The following ZNF292 variants were observed in gnomAD, a reference collection of about 807,000 sequenced individuals.
ZNF292 encodes 16 zinc-finger domain protein.
In ZNF292, 26 loss-of-function variants were observed where a neutral mutation model predicts 217.9. The observed-to-expected ratio is 0.12, with a 90% CI of 0.09 to 0.17. ZNF292 has a LOEUF of 0.17. Ranked by LOEUF, ZNF292 falls within the 10% of genes least tolerant of loss-of-function variation. The pLI is 1.00. For synonymous variants in ZNF292, 1,257 were observed against 1,124.1 expected (o/e 1.12, Z -2.37); for missense variants, 2,904 against 3,175.2 (o/e 0.91, Z 2.05).
rs377546821 is a variant in ZNF292 at position 87,216,028 on chromosome 6, T to G, written c.294T>G (p.Asn98Lys). The stretch of plus-strand genomic sequence containing the variant: ...CTTATCTTACCTCTGAATGTGAAAA[T>G]GTAGCCTTGGTTCTGGAACGCTTGG... ...ARPYLTSECE[N>K]VALVLERLAL... Residue 98 changes from asparagine to lysine, a missense_variant, in exon 2 of 8, where the codon AAT (asparagine) becomes AAG (lysine). Physicochemically the swap from Asn to Lys is moderately conservative, Grantham distance 94. Around this residue, in one of 15 missense-constraint regions of ZNF292, gnomAD observed 313 missense variants for 451.0 expected, o/e 0.69. Coordinates refer to ENST00000369577, the MANE Select transcript of ZNF292 (RefSeq NM_015021.3). The G allele has an allele frequency of 6.4e-7, 1 of 1,573,936 alleles. No individual in the cohort carries two copies. The highest frequency in any genetic ancestry group is 2.2e-5 in the East Asian group (1 of 44,566).
intron 1 of ZNF292, among the ~76,000 whole-genome samples, chr6:87,194,798 T>C (rs1771909221): frequency 6.6e-6 from 1 of 152,038 alleles, no homozygotes; most frequent in Non-Finnish European, 1.5e-5. Context: ...AAAGTTTAAA[T>C]AAAATATTAG....
intron 1 of ZNF292, chr6:87,173,959 C>A: frequency 4.0e-6 from 1 of 249,810 alleles, no homozygotes; most frequent in Non-Finnish European, 8.1e-6. Context: ...AACCTTTTAC[C>A]CTGGTTCAGG....
chr6:87,192,154 C>T (rs535946610), intron 1 of ZNF292, among the ~76,000 whole-genome samples: 3 of 152,042 alleles, frequency 2.0e-5, no homozygotes, highest in Admixed American at 6.6e-5. Flanking sequence ...AACAACAGAC[C>T]GGGGAAGAAA....
At chr6:87,157,079 A>G (rs1274400178) in intron 1 of ZNF292, among the ~76,000 whole-genome samples, 1 of 152,174 alleles carries the variant, frequency 6.6e-6, no homozygotes, top group East Asian at 1.9e-4. Context: ...ATATTGAAAT[A>G]TTTTCTTTAT....
intron 1 of ZNF292, among the ~76,000 whole-genome samples, chr6:87,197,566 C>T (rs1290071925): frequency 6.6e-6 from 1 of 150,414 alleles, no homozygotes; most frequent in Non-Finnish European, 1.5e-5. Flanking sequence ...GAAACTCCGT[C>T]TCTACTAAAA....
intron 1 of ZNF292, among the ~76,000 whole-genome samples, chr6:87,206,719 T>C (rs938748138): frequency 2.0e-5 from 3 of 152,216 alleles, no homozygotes; most frequent in Non-Finnish European, 2.9e-5. Flanking sequence ...TTTATTACAA[T>C]ATATGAATTC....
chr6:87,164,918 A>G (rs1486802144), intron 1 of ZNF292, among the ~76,000 whole-genome samples: 1 of 147,014 alleles, frequency 6.8e-6, no homozygotes, highest in Non-Finnish European at 1.5e-5. Context: ...ATGTGCCACC[A>G]TGCCCGTCTA....
rs1775559916 is a variant in ZNF292 at position 87,261,039 on chromosome 6, A to G, written c.7410A>G (p.Gln2470=). ...DNSRTTATVS[Q]KEVEKNEKDE... is the part of the protein sequence containing the mutation. The stretch of plus-strand genomic sequence containing the variant: ...CAAGAACAACAGCTACAGTTTCACA[A>G]AAGGAAGTTGAAAAAAATGAAAAAG... The change falls in exon 8 of 8, where the codon CAA becomes CAG. Residue 2470 remains glutamine (Q), a synonymous_variant. Transcript: ENST00000369577. The G allele has an allele frequency of 1.2e-6, 2 of 1,603,710 alleles. No individual in the cohort carries two copies. The highest frequency in any genetic ancestry group is 1.7e-6 in the Non-Finnish European group (2 of 1,174,550).
rs1483711975 is a variant in ZNF292 at position 87,257,425 on chromosome 6, C to T, written c.3796C>T (p.Pro1266Ser). The T allele has an allele frequency of 6.2e-7, 1 of 1,613,556 alleles. No individual in the cohort carries two copies. Among genetic ancestry groups the T allele is most frequent in the South Asian group, 1.1e-5 (1 of 91,020 alleles). ...TGGCTCAGATCCTTTCCTTCCTTTA[C>T]CTGCAGAAAGTAGTTCAATGTCTCT... ...DSGSDPFLPL[P>S]AESSSMSLFP... The change falls in exon 8 of 8, where the codon CCT (proline) becomes TCT (serine). Residue 1266 changes from proline (P) to serine (S), a missense_variant. Pro to Ser is a moderately conservative substitution (Grantham distance 74). Around this residue, in one of 15 missense-constraint regions of ZNF292, gnomAD observed 687 missense variants for 623.0 expected, o/e 1.10. Transcript: ENST00000369577.
intron 7 of ZNF292, among the ~76,000 whole-genome samples, chr6:87,251,971 A>G (rs1774940438): frequency 6.6e-6 from 1 of 152,184 alleles, no homozygotes; most frequent in Non-Finnish European, 1.5e-5. Flanking sequence ...CCCCTTTTAA[A>G]TAATTTTAGA....
rs1775462596 is a variant in ZNF292 at position 87,259,841 on chromosome 6, C to T, written c.6212C>T (p.Ala2071Val). ...ACTTCAGAACAATGTAATACAAATG[C>T]ACTCACAAACACACAAACCAAAGGA... ...TVTSEQCNTN[A>V]LTNTQTKGRK... The change falls in exon 8 of 8, where the codon GCA (alanine) becomes GTA (valine). Residue 2071 changes from alanine to valine, a missense_variant. Ala to Val is a moderately conservative substitution (Grantham distance 64, BLOSUM62 0). Coordinates refer to ENST00000369577, the MANE Select transcript of ZNF292 (RefSeq NM_015021.3). 6.2e-7 allele frequency: 1 copy of T among 1,612,852 alleles called. No homozygotes were observed. The highest frequency in any genetic ancestry group is 2.2e-5 in the East Asian group (1 of 44,838).
chr6:87,247,974 T>A (rs1774690440), intron 7 of ZNF292, among the ~76,000 whole-genome samples: 1 of 151,930 alleles, frequency 6.6e-6, no homozygotes, highest in African/African-American at 2.4e-5. Context: ...TGAACAGAGG[T>A]TGTATATGTG....
At chr6:87,216,656 A>G (rs1772796277) in intron 3 of ZNF292, among the ~76,000 whole-genome samples, 1 of 152,070 alleles carries the variant, frequency 6.6e-6, no homozygotes, top group African/African-American at 2.4e-5. Context: ...ATTTGGATTT[A>G]GAAACAGTTA....
intron 1 of ZNF292, among the ~76,000 whole-genome samples, chr6:87,185,407 G>A (rs947368743): frequency 6.6e-6 from 1 of 152,142 alleles, no homozygotes; most frequent in African/African-American, 2.4e-5. Flanking sequence ...TTTCGTTACC[G>A]GTGTCACAAT....
intron 1 of ZNF292, 23 bp from the exon 2 acceptor site, chr6:87,215,880 T>C: frequency 6.5e-7 from 1 of 1,548,280 alleles, no homozygotes; most frequent in East Asian, 2.4e-5. Context: ...TTTGAATACT[T>C]TTTATTATTC....
At chr6:87,204,175 A>G (rs2127791472) in intron 1 of ZNF292, among the ~76,000 whole-genome samples, 1 of 152,354 alleles carries the variant, frequency 6.6e-6, no homozygotes, top group African/African-American at 2.4e-5. Context: ...GAGTCTTTCA[A>G]GTGTTACTTA....
Position 87,255,026 on chromosome 6 carries a change from T to A in ZNF292, c.1397T>A (p.Ile466Asn), listed in dbSNP as rs767566109. 6.2e-7 allele frequency: 1 copy of A among 1,613,816 alleles called. No homozygotes were observed. Residue 466 changes from isoleucine (I) to asparagine (N), a missense_variant, in exon 8 of 8, where the codon ATT becomes AAT. Coordinates refer to ENST00000369577, the MANE Select transcript of ZNF292 (RefSeq NM_015021.3). Reference protein sequence around the residue: ...CLALMGEEASIVSSIDELNDS... With the variant: ...CLALMGEEASNVSSIDELNDS... The stretch of plus-strand genomic sequence containing the variant: ...GCATTAATGGGAGAAGAAGCATCCA[T>A]TGTGTCTTCAATAGATGAACTAAAT...
intron 4 of ZNF292, among the ~76,000 whole-genome samples, chr6:87,229,919 C>A (rs9344693): frequency 0.63 from 96,052 of 151,382 alleles, 32,061 homozygotes; most frequent in African/African-American, 0.85. Context: ...TAGATGGAGA[C>A]GACTAGTAGA....
At position 87,260,722 on chromosome 6, in the gene ZNF292, G is replaced by A; in HGVS notation, c.7093G>A (p.Val2365Ile). The A allele has an allele frequency of 1.9e-6, 3 of 1,613,432 alleles. No individual in the cohort carries two copies. The highest frequency in any genetic ancestry group is 2.5e-6 in the Non-Finnish European group (3 of 1,179,604). ...KPYSLKRGKH[V>I]YSIKARNDAL... Reference sequence around the variant, plus strand: ...TTATTCTCTGAAACGTGGGAAGCATGTATATTCTATAAAGGCTAGAAATGA... The same window carrying A: ...TTATTCTCTGAAACGTGGGAAGCATATATATTCTATAAAGGCTAGAAATGA... Residue 2365 changes from valine to isoleucine, a missense_variant, in exon 8 of 8, where the codon GTA becomes ATA. By Grantham distance (29) the Val-to-Ile change is conservative. This residue lies in a region of ZNF292 where 101 missense variants were observed against 89.5 expected (regional missense o/e 1.13). Transcript: ENST00000369577.
Sources: gnomAD v4.1 joint callset for allele counts (sites outside exome capture counted in the v4.1 genomes callset) on GRCh38, gnomAD v4.1.1 for gene constraint, gnomAD v4.1.1 regional missense constraint, MANE v1.5 for transcripts, NCBI Gene and HGNC (gene_info 2026-07-23, HGNC 2026-07-21) for gene names.